The following TRAPPC13 variants were observed in gnomAD, a reference collection of about 807,000 sequenced individuals.
TRAPPC13 encodes trafficking protein particle complex subunit 13.
A neutral mutation model predicts 54.0 loss-of-function variants in TRAPPC13; 39 were observed. That is an observed-to-expected ratio of 0.72 (90% CI 0.56 to 0.94). TRAPPC13 has a LOEUF of 0.94. Ranked by LOEUF, TRAPPC13 falls within the 40% of genes least tolerant of loss-of-function variation. TRAPPC13 has a pLI of 0.00. For missense variants in TRAPPC13, 386 were observed against 488.1 expected (o/e 0.79, Z 1.97); for synonymous variants, 148 against 167.7 (o/e 0.88, Z 0.91).
chr5:65,638,122 C>CAA (rs33942733), intron 4 of TRAPPC13, among the ~76,000 whole-genome samples: 2,947 of 125,958 alleles, frequency 0.023, 107 homozygotes, highest in African/African-American at 0.083. Context: ...GACTCCATCT[C>CAA]AAAAAAAAAA....
rs564135035 is a variant in TRAPPC13 at position 65,629,191 on chromosome 5, C to T, written c.46+4085C>T. 5.3e-5 allele frequency among the ~76,000 whole-genome samples: 8 copies of T among 152,228 alleles called. No homozygotes were observed. In the South Asian group the frequency reaches 8.3e-4, roughly 16 times the overall value. Reference sequence around the variant, plus strand: ...CTATTATTACTTAATATATTAATATCGATACTTCCAAGTCCTTTATATCTA... The same window carrying T: ...CTATTATTACTTAATATATTAATATTGATACTTCCAAGTCCTTTATATCTA... On this transcript the variant is annotated intron_variant, in intron 1 of 12. Transcript: ENST00000399438.
chr5:65,639,481 G>A (rs769857986), intron 4 of TRAPPC13, among the ~76,000 whole-genome samples: 6 of 152,132 alleles, frequency 3.9e-5, no homozygotes, highest in East Asian at 1.9e-4. Flanking sequence ...GAAACATAAC[G>A]AGACTCCCAT....
chr5:65,638,646 C>A (rs1317221156), intron 4 of TRAPPC13, among the ~76,000 whole-genome samples: 1 of 152,072 alleles, frequency 6.6e-6, no homozygotes, highest in Admixed American at 6.5e-5. Flanking sequence ...GGGCAATTTA[C>A]CAAAGAAAGA....
chr5:65,648,459 C>T (rs1301777340), intron 5 of TRAPPC13, among the ~76,000 whole-genome samples: 1 of 152,144 alleles, frequency 6.6e-6, no homozygotes, highest in Non-Finnish European at 1.5e-5. Flanking sequence ...AAGGATCTAG[C>T]AGAGAACAGA....
In TRAPPC13 at chr5:65,663,040, A is replaced by G. The variant is rs1481028577; in HGVS notation, c.998+890A>G. 2.6e-5 allele frequency: 4 copies of G among 152,316 alleles called. No individual in the cohort carries two copies. In the East Asian group the frequency reaches 5.8e-4, roughly 22 times the overall value. 9.4% of individuals were successfully genotyped at this position (152,316 alleles called of 1,614,324 possible). A position where few individuals can be genotyped will look rare whatever the true frequency, so the allele number is the denominator to read the frequency against. On this transcript the variant is annotated intron_variant, in intron 11 of 12. Transcript: ENST00000399438. ...ACTGGAATTATTCAGGAGAAGGGAC[A>G]TGGCCTTACTCAGTGTCTGCCACAT...
chr5:65,661,876 G>T, intron 10 of TRAPPC13, 174 bp from the exon 11 acceptor site: 1 of 495,380 alleles, frequency 2.0e-6, no homozygotes. Flanking sequence ...TCCACAGGCA[G>T]TAGCTGCAAA....
chr5:65,663,142 GTTTT>G (rs576273626), intron 11 of TRAPPC13: 1 of 148,464 alleles, frequency 6.7e-6, no homozygotes, highest in Non-Finnish European at 1.5e-5. Context: ...GGAATTTTTG[GTTTT>G]TTTTTTAAGT....
At chr5:65,653,136 A>C (rs898463821) in intron 7 of TRAPPC13, among the ~76,000 whole-genome samples, 1 of 149,118 alleles carries the variant, frequency 6.7e-6, no homozygotes, top group African/African-American at 2.4e-5. Context: ...AACTTGCCCA[A>C]AAAAAAAAAA....
chr5:65,650,742 G>A, intron 5 of TRAPPC13, 68 bp from the exon 6 acceptor site: 1 of 1,256,150 alleles, frequency 8.0e-7, no homozygotes, highest in East Asian at 2.3e-5. Flanking sequence ...TAGTAGAATT[G>A]AGGTGTGTTT....
At chr5:65,639,140 G>A (rs1755873041) in intron 4 of TRAPPC13, among the ~76,000 whole-genome samples, 1 of 151,980 alleles carries the variant, frequency 6.6e-6, no homozygotes, top group Admixed American at 6.5e-5. Flanking sequence ...TCACCGTCAT[G>A]AGAACAGCAC....
chr5:65,635,925 T>A lies in TRAPPC13; in HGVS notation c.116-19T>A. ...TTAAAGGGTAGATGTTAGAATTTTATGTTTTTCTCTTCATTCAGGAGATCT... is the reference window on the plus strand; with the variant it reads ...TTAAAGGGTAGATGTTAGAATTTTAAGTTTTTCTCTTCATTCAGGAGATCT... On this transcript the variant is annotated intron_variant, in intron 2 of 12. Transcript: ENST00000399438. The A allele has an allele frequency of 1.3e-6, 2 of 1,500,498 alleles. No individual in the cohort carries two copies. Among genetic ancestry groups the A allele is most frequent in the Non-Finnish European group, 1.8e-6 (2 of 1,103,190 alleles). The allele number at this position is 1,500,498 out of a possible 1,614,324, so 92.9% of individuals were successfully genotyped here.
At chr5:65,655,357 C>G (rs370579359) in intron 7 of TRAPPC13, among the ~76,000 whole-genome samples, 94 of 152,320 alleles carry the variant, frequency 6.2e-4, no homozygotes, top group African/African-American at 2.2e-3. Flanking sequence ...GTATACCTCT[C>G]TGCTCCAAAA....
At chr5:65,650,249 C>A (rs1314805152) in intron 5 of TRAPPC13, among the ~76,000 whole-genome samples, 3 of 148,890 alleles carry the variant, frequency 2.0e-5, no homozygotes, top group Non-Finnish European at 4.4e-5. Flanking sequence ...ACAACCTCCA[C>A]CTCCTGGGTT....
chr5:65,647,043 C>CT lies in TRAPPC13; in HGVS notation c.301-9dup. The stretch of plus-strand genomic sequence containing the variant: ...ATTTGGACTTTTTTTTTTTTTTTAA[C>CT]TTTCTTTCAAGGCTGATCTTCAGAC... On this transcript the variant is annotated splice_polypyrimidine_tract_variant and intron_variant, in intron 4 of 12. Coordinates refer to ENST00000399438, the MANE Select transcript of TRAPPC13 (RefSeq NM_024941.4). 2 of 1,375,564 alleles carry CT rather than the reference C, an allele frequency of 1.5e-6. No individual in the cohort carries two copies. The highest frequency in any genetic ancestry group is 9.6e-7 in the Non-Finnish European group (1 of 1,047,026). The allele number at this position is 1,375,564 out of a possible 1,614,324, so 85.2% of individuals were successfully genotyped here. A position where few individuals can be genotyped will look rare whatever the true frequency, so the allele number is the denominator to read the frequency against.
rs1169573138 is a variant in TRAPPC13 at position 65,647,160 on chromosome 5, G to A, written c.406G>A (p.Val136Ile). 1 of 1,585,260 alleles carries A rather than the reference G, an allele frequency of 6.3e-7. No individual in the cohort carries two copies. Among genetic ancestry groups the A allele is most frequent in the Non-Finnish European group, 8.6e-7 (1 of 1,164,570 alleles). ...TATTGATGATGTCATACATCATGAA[G>A]TCAAAGAAATTGGAACACACATGTA... ...CCIDDVIHHE[V>I]KEIGTHILVC... Residue 136 changes from valine to isoleucine, a missense_variant, in exon 5 of 13, where the codon GTC becomes ATC. By Grantham distance (29) the Val-to-Ile change is conservative. Coordinates refer to ENST00000399438, the MANE Select transcript of TRAPPC13 (RefSeq NM_024941.4).
intron 4 of TRAPPC13, among the ~76,000 whole-genome samples, chr5:65,646,395 T>C (rs1039939558): frequency 2.6e-5 from 4 of 152,224 alleles, no homozygotes; most frequent in African/African-American, 4.8e-5. Flanking sequence ...TTTAGTGTTA[T>C]ATACTAGCAC....
In TRAPPC13 at chr5:65,650,819, T is replaced by A; in HGVS notation, c.438T>A (p.Cys146Ter). 1 of 1,612,910 alleles carries A rather than the reference T, an allele frequency of 6.2e-7. No individual in the cohort carries two copies. Among genetic ancestry groups the A allele is most frequent in the Non-Finnish European group, 8.5e-7 (1 of 1,179,516 alleles). The change falls in exon 6 of 13, where the codon TGT (cysteine) becomes TGA (stop). Residue 146 changes from cysteine (C) to a stop codon, truncating the protein, a stop_gained. Transcript: ENST00000399438. LOFTEE classifies it high-confidence loss of function. Reference sequence around the variant, plus strand: ...CATCTTTCTGTTTCAGCTTGGTATGTGCTGTGAGTTATACAACTCAGGCTG... The same window carrying A: ...CATCTTTCTGTTTCAGCTTGGTATGAGCTGTGAGTTATACAACTCAGGCTG... ...VKEIGTHILV[C>*]AVSYTTQAGE...
rs186715151 is a variant in TRAPPC13 at position 65,637,841 on chromosome 5, G to A, written c.300+61G>A. ...TTTAACAAAGGTTTTTTTTTAGGCCGGGCATGGTGGCTCATGCCTGTAATC... is the reference window on the plus strand; with the variant it reads ...TTTAACAAAGGTTTTTTTTTAGGCCAGGCATGGTGGCTCATGCCTGTAATC... On this transcript the variant is annotated intron_variant, in intron 4 of 12. Transcript: ENST00000399438. 8.1e-5 allele frequency: 76 copies of A among 940,686 alleles called. No homozygotes were observed. The East Asian group carries it at 1.5e-3, about 19-fold the overall frequency. The allele number at this position is 940,686 out of a possible 1,614,324, so 58.3% of individuals were successfully genotyped here.
chr5:65,627,024 C>T (rs1172398881), intron 1 of TRAPPC13, among the ~76,000 whole-genome samples: 5 of 146,620 alleles, frequency 3.4e-5, no homozygotes, highest in South Asian at 2.2e-4. Flanking sequence ...CCCAGCTACT[C>T]GGGAGACTGA....
Sources: gnomAD v4.1 joint callset for allele counts (sites outside exome capture counted in the v4.1 genomes callset) on GRCh38, gnomAD v4.1.1 for gene constraint, MANE v1.5 for transcripts, NCBI Gene and HGNC (gene_info 2026-07-23, HGNC 2026-07-21) for gene names.